The following EPHA6 variants were observed in gnomAD, a reference collection of about 807,000 sequenced individuals.
The protein encoded by EPHA6 is EPH receptor A6.
A neutral mutation model predicts 112.0 loss-of-function variants in EPHA6; 50 were observed. That is an observed-to-expected ratio of 0.45 (90% CI 0.36 to 0.56). The LOEUF is 0.56. EPHA6 is among the 20% of genes least tolerant of loss of function. The pLI is 0.00. For missense variants in EPHA6, 1,280 were observed against 1,417.4 expected (o/e 0.90, Z 1.56); for synonymous variants, 529 against 490.7 (o/e 1.08, Z -1.03).
chr3:97,589,065 C>T (rs1250520028), intron 11 of EPHA6, among the ~76,000 whole-genome samples: 4 of 151,980 alleles, frequency 2.6e-5, no homozygotes, highest in Non-Finnish European at 5.9e-5. Context: ...GCCTGGGAGC[C>T]TCATGTGGCC....
chr3:97,001,883 T>C (rs1014515120), intron 3 of EPHA6, among the ~76,000 whole-genome samples: 2 of 152,054 alleles, frequency 1.3e-5, no homozygotes, highest in African/African-American at 4.8e-5. Flanking sequence ...TTCCCATTAT[T>C]GGACAGTATC....
intron 5 of EPHA6, among the ~76,000 whole-genome samples, chr3:97,263,418 GC>G (rs1559836726): frequency 6.9e-6 from 1 of 145,894 alleles, no homozygotes; most frequent in African/African-American, 2.7e-5. Flanking sequence ...TTTACAAAGC[GC>G]CTTCCAATTA....
At chr3:97,556,113 C>A (rs1201988051) in intron 11 of EPHA6, among the ~76,000 whole-genome samples, 1 of 151,920 alleles carries the variant, frequency 6.6e-6, no homozygotes, top group East Asian at 1.9e-4. Flanking sequence ...TCAAATTATC[C>A]AACCTTAAAC....
intron 2 of EPHA6, among the ~76,000 whole-genome samples, chr3:96,978,289 G>A (rs1021562148): frequency 1.3e-5 from 2 of 152,200 alleles, no homozygotes; most frequent in African/African-American, 4.8e-5. Flanking sequence ...AGGGTAAAGT[G>A]GAAGCATTGG....
chr3:97,713,792 C>T (rs1343479550), intron 14 of EPHA6, among the ~76,000 whole-genome samples: 3 of 152,328 alleles, frequency 2.0e-5, no homozygotes, highest in Middle Eastern at 3.4e-3. Flanking sequence ...CAATCCTTAT[C>T]AGGCTGGTCA....
At chr3:97,055,574 G>A (rs2045826327) in intron 3 of EPHA6, among the ~76,000 whole-genome samples, 1 of 152,134 alleles carries the variant, frequency 6.6e-6, no homozygotes, top group Non-Finnish European at 1.5e-5. Context: ...GAGTGCTTAA[G>A]TGTGGTAGGA....
intron 7 of EPHA6, among the ~76,000 whole-genome samples, chr3:97,464,717 C>T (rs369425448): frequency 1.7e-4 from 26 of 151,932 alleles, no homozygotes; most frequent in African/African-American, 6.0e-4. Flanking sequence ...AAAAGAAACC[C>T]GAGGAGTAAT....
At chr3:96,854,920 A>G (rs2035607037) in intron 1 of EPHA6, among the ~76,000 whole-genome samples, 1 of 152,200 alleles carries the variant, frequency 6.6e-6, no homozygotes, top group Non-Finnish European at 1.5e-5. Context: ...TTTAAATAAC[A>G]CACGTTTATT....
chr3:97,346,865 C>T (rs188773956), intron 5 of EPHA6, among the ~76,000 whole-genome samples: 323 of 152,110 alleles, frequency 2.1e-3, no homozygotes, highest in Admixed American at 3.3e-3. Context: ...AGGTATTTTT[C>T]TGAGAAGCTT....
intron 3 of EPHA6, among the ~76,000 whole-genome samples, chr3:97,037,208 A>G (rs2045133554): frequency 6.6e-6 from 1 of 152,036 alleles, no homozygotes; most frequent in Admixed American, 6.6e-5. Flanking sequence ...GCCTTTAAGG[A>G]CCTTATATTT....
At chr3:97,031,943 C>A (rs896925997) in intron 3 of EPHA6, among the ~76,000 whole-genome samples, 3 of 152,172 alleles carry the variant, frequency 2.0e-5, no homozygotes, top group African/African-American at 4.8e-5. Flanking sequence ...CATCCCGTTA[C>A]TGGGTATATA....
chr3:96,816,840 G>A (rs558130304), intron 1 of EPHA6, among the ~76,000 whole-genome samples: 7 of 152,010 alleles, frequency 4.6e-5, no homozygotes, highest in Admixed American at 1.3e-4. Flanking sequence ...TAAAAGCATC[G>A]AGATGTTATT....
intron 5 of EPHA6, among the ~76,000 whole-genome samples, chr3:97,367,453 C>T (rs773741075): frequency 4.9e-4 from 75 of 152,076 alleles, no homozygotes; most frequent in Non-Finnish European, 1.5e-4. Flanking sequence ...TGGCCGGTGA[C>T]GGCTTCTTTC....
At chr3:97,115,880 A>T (rs2047873316) in intron 3 of EPHA6, among the ~76,000 whole-genome samples, 1 of 151,988 alleles carries the variant, frequency 6.6e-6, no homozygotes, top group East Asian at 1.9e-4. Flanking sequence ...TCATCATGTG[A>T]AAAGCACTTT....
At chr3:97,268,477 T>C (rs1009487467) in intron 5 of EPHA6, among the ~76,000 whole-genome samples, 1 of 152,214 alleles carries the variant, frequency 6.6e-6, no homozygotes, top group Non-Finnish European at 1.5e-5. Context: ...TATGAATATT[T>C]AAGTGAGTTA....
intron 14 of EPHA6, among the ~76,000 whole-genome samples, chr3:97,677,779 T>A (rs2031527288): frequency 6.7e-6 from 1 of 149,168 alleles, no homozygotes; most frequent in African/African-American, 2.5e-5. Context: ...TTCTTGAAAT[T>A]GAGGTTATGG....
At chr3:97,417,607 C>G (rs1356939130) in intron 6 of EPHA6, among the ~76,000 whole-genome samples, 1 of 151,568 alleles carries the variant, frequency 6.6e-6, no homozygotes, top group Admixed American at 6.6e-5. Context: ...CTTGCCTTCT[C>G]TTGTCCAAAA....
chr3:97,589,270 C>A (rs933796173), intron 11 of EPHA6, among the ~76,000 whole-genome samples: 2 of 151,300 alleles, frequency 1.3e-5, no homozygotes, highest in South Asian at 4.2e-4. Flanking sequence ...AGATTGGACA[C>A]CCCTTGTTAC....
chr3:97,142,263 C>CA (rs1161730779), intron 3 of EPHA6, among the ~76,000 whole-genome samples: 1 of 151,944 alleles, frequency 6.6e-6, no homozygotes, highest in Non-Finnish European at 1.5e-5. Context: ...ACAACAAGAA[C>CA]AGTTTTTATA....
Sources: gnomAD v4.1 joint callset for allele counts (sites outside exome capture counted in the v4.1 genomes callset) on GRCh38, gnomAD v4.1.1 for gene constraint, MANE v1.5 for transcripts, NCBI Gene and HGNC (gene_info 2026-07-23, HGNC 2026-07-21) for gene names.